The following DDAH1 variants were observed in gnomAD, a reference collection of about 807,000 sequenced individuals.
DDAH1 encodes dimethylarginine dimethylaminohydrolase 1.
Under a neutral mutation model 28.8 loss-of-function variants are expected in DDAH1, and 19 were observed. That is an observed-to-expected ratio of 0.66 (90% CI 0.46 to 0.97). The LOEUF (loss-of-function observed/expected upper bound fraction) is 0.97, where lower values mean the gene tolerates loss of function less well. Ranked by LOEUF, DDAH1 falls within the 50% of genes least tolerant of loss-of-function variation. The probability of loss-of-function intolerance (pLI) is 0.00; values close to 1 mark genes in which losing one functional copy is unlikely to be tolerated. For synonymous variants in DDAH1, 153 were observed against 154.4 expected (o/e 0.99, Z 0.07); for missense variants, 326 against 375.9 (o/e 0.87, Z 1.10).
At chr1:85,536,236 CAAAT>C (rs1164436905) in intron 1 of DDAH1, among the ~76,000 whole-genome samples, 1 of 151,368 alleles carries the variant, frequency 6.6e-6, no homozygotes, top group Non-Finnish European at 1.5e-5. Flanking sequence ...ATCTCTGTCT[CAAAT>C]AAAAATAAAA....
chr1:85,333,307 T>C (rs184375235), intron 4 of DDAH1, among the ~76,000 whole-genome samples: 2 of 152,258 alleles, frequency 1.3e-5, no homozygotes, highest in Admixed American at 6.5e-5. Flanking sequence ...ACCAACACCA[T>C]AGATCTATCT....
Position 85,403,889 on chromosome 1 carries a change from A to G in DDAH1, c.304-45042T>C, listed in dbSNP as rs941664994. 2.0e-4 allele frequency among the ~76,000 whole-genome samples: 31 copies of G among 152,196 alleles called. 1 individual carries two copies. The highest frequency in any genetic ancestry group is 4.6e-4 in the Non-Finnish European group (31 of 68,032). ...TAATTCAATGGGTAGAACATTTAAA[A>G]TATTGTTTTCCCTGTGTGCTTACTT... On this transcript the variant is annotated intron_variant, in intron 1 of 5. Transcript: ENST00000284031.
chr1:85,435,077 C>T (rs1167262815), intron 1 of DDAH1: 6 of 151,986 alleles, frequency 3.9e-5, no homozygotes, highest in Non-Finnish European at 7.4e-5. Flanking sequence ...TTTATATTTG[C>T]ATAAGATTTA....
chr1:85,325,850 T>G (rs371874227), intron 4 of DDAH1, among the ~76,000 whole-genome samples: 3 of 152,228 alleles, frequency 2.0e-5, no homozygotes, highest in East Asian at 3.8e-4. Context: ...GGTTTAGTCA[T>G]GTAGACTCTT....
intron 2 of DDAH1, among the ~76,000 whole-genome samples, chr1:85,485,278 T>C (rs1656164278): frequency 6.6e-6 from 1 of 152,154 alleles, no homozygotes; most frequent in Non-Finnish European, 1.5e-5. Flanking sequence ...AAGCATCATA[T>C]TAAGAACAAA....
In DDAH1 at chr1:85,368,658, A is replaced by G. The variant is rs1650208625; in HGVS notation, c.304-9811T>C. On this transcript the variant is annotated intron_variant, in intron 1 of 5. Coordinates refer to ENST00000284031, the MANE Select transcript of DDAH1 (RefSeq NM_012137.4). ...CAGGGGGCAAATAAAAATATGATTT[A>G]TCACCAAATACCAAATTAAAATAAG... Among the ~76,000 whole-genome samples the G allele has an allele frequency of 2.6e-5, 4 of 152,334 alleles. No individual in the cohort carries two copies. In the South Asian group the frequency reaches 6.2e-4, roughly 24 times the overall value.
At chr1:85,422,428 TTC>T (rs764440309) in intron 1 of DDAH1, among the ~76,000 whole-genome samples, 2 of 152,150 alleles carry the variant, frequency 1.3e-5, no homozygotes, top group African/African-American at 2.4e-5. Flanking sequence ...TATAAAATTT[TTC>T]TGTCATAAAT....
At chr1:85,373,365 A>T (rs1650489271) in intron 1 of DDAH1, among the ~76,000 whole-genome samples, 2 of 152,088 alleles carry the variant, frequency 1.3e-5, no homozygotes, top group African/African-American at 4.8e-5. Context: ...ACCAAATCTC[A>T]TCTCAAATTG....
At chr1:85,470,855 A>G (rs944488257) in intron 2 of DDAH1, among the ~76,000 whole-genome samples, 3 of 152,216 alleles carry the variant, frequency 2.0e-5, no homozygotes, top group African/African-American at 7.2e-5. Flanking sequence ...AGAAACATTT[A>G]CTAAGCATCT....
chr1:85,388,053 C>A (rs1314196888), intron 1 of DDAH1, among the ~76,000 whole-genome samples: 1 of 152,132 alleles, frequency 6.6e-6, no homozygotes, highest in Non-Finnish European at 1.5e-5. Context: ...TGGCACCAAG[C>A]CTTTCATGAA....
In DDAH1 at chr1:85,513,346, T is replaced by C. The variant is rs1197429234; in HGVS notation, c.-122-17065A>G. On this transcript the variant is annotated intron_variant, in intron 1 of 6. Coordinates refer to the DDAH1 transcript ENST00000426972. ...CCTTCCTTATACCTTATACAAAAAT[T>C]AACTCAAGATGGATTAAAGACTTAA... Among the ~76,000 whole-genome samples the C allele has an allele frequency of 2.0e-5, 3 of 152,064 alleles. No individual in the cohort carries two copies. The East Asian group carries it at 5.8e-4, about 29-fold the overall frequency.
intron 2 of DDAH1, among the ~76,000 whole-genome samples, chr1:85,478,815 A>G (rs1248867906): frequency 6.6e-6 from 1 of 152,212 alleles, no homozygotes. Flanking sequence ...AGATCAGGGA[A>G]TAGGTTTGGC....
intron 1 of DDAH1, among the ~76,000 whole-genome samples, chr1:85,554,352 T>C (rs921673191): frequency 6.7e-6 from 1 of 149,892 alleles, no homozygotes; most frequent in East Asian, 2.1e-4. Context: ...TCATGTCCTA[T>C]ACTTTCCAAA....
chr1:85,554,942 T>C (rs979036997), intron 1 of DDAH1, among the ~76,000 whole-genome samples: 2 of 152,260 alleles, frequency 1.3e-5, no homozygotes, highest in African/African-American at 4.8e-5. Context: ...AACATGTACA[T>C]TGTTATTTAA....
chr1:85,449,413 C>A (rs1369476735), intron 1 of DDAH1, among the ~76,000 whole-genome samples: 1 of 152,034 alleles, frequency 6.6e-6, no homozygotes, highest in African/African-American at 2.4e-5. Flanking sequence ...TTAATGGAAC[C>A]AAGGCACTAC....
At chr1:85,459,154 T>C (rs909696348) in intron 1 of DDAH1, among the ~76,000 whole-genome samples, 1 of 152,262 alleles carries the variant, frequency 6.6e-6, no homozygotes, top group Non-Finnish European at 1.5e-5. Context: ...TTTATATTAA[T>C]GGATGGATAC....
intron 1 of DDAH1, among the ~76,000 whole-genome samples, chr1:85,458,287 A>G (rs945413054): frequency 8.5e-5 from 13 of 152,292 alleles, no homozygotes; most frequent in Non-Finnish European, 1.6e-4. Context: ...TTTAGCAACA[A>G]AAGTCTAAAG....
At chr1:85,322,622 A>G (rs1486445383) in intron 5 of DDAH1, among the ~76,000 whole-genome samples, 1 of 152,166 alleles carries the variant, frequency 6.6e-6, no homozygotes, top group Non-Finnish European at 1.5e-5. Context: ...ATTTCAGTGA[A>G]GTGACATTCC....
chr1:85,433,915 AT>A (rs1653816203), intron 1 of DDAH1, among the ~76,000 whole-genome samples: 1 of 152,206 alleles, frequency 6.6e-6, no homozygotes, highest in Admixed American at 6.5e-5. Context: ...AAAGAAACAC[AT>A]TTAAATCTTC....
Sources: allele counts gnomAD v4.1 joint callset (sites outside exome capture counted in the v4.1 genomes callset), GRCh38; gene constraint gnomAD v4.1.1; transcripts MANE v1.5; gene names NCBI Gene and HGNC (gene_info 2026-07-23, HGNC 2026-07-21).